The following CADM1 variants were observed in gnomAD, a reference collection of about 807,000 sequenced individuals.
CADM1 encodes cell adhesion molecule 1.
A neutral mutation model predicts 53.1 loss-of-function variants in CADM1; 15 were observed. The ratio of observed to expected loss-of-function variants is 0.28; its 90% CI spans 0.19 to 0.44. CADM1 has a LOEUF of 0.44. Ranked by LOEUF, CADM1 falls within the 20% of genes least tolerant of loss-of-function variation. The pLI is 1.00. For missense variants in CADM1, 434 were observed against 611.3 expected (o/e 0.71, Z 3.06); for synonymous variants, 281 against 243.0 (o/e 1.16, Z -1.45).
chr11:115,310,300 G>GT (rs1455343779), intron 1 of CADM1, among the ~76,000 whole-genome samples: 1 of 152,006 alleles, frequency 6.6e-6, no homozygotes, highest in Non-Finnish European at 1.5e-5. Context: ...TATTCCAGAA[G>GT]TTAATAGAGT....
At chr11:115,308,772 TTCCCTCCCTCCCTTCATCCTTCC>T (rs1047989692) in intron 1 of CADM1, among the ~76,000 whole-genome samples, 7 of 148,878 alleles carry the variant, frequency 4.7e-5, no homozygotes, top group Non-Finnish European at 9.0e-5. Context: ...CTTTCCCTCC[TTCCCTCCCTCCCTTCATCCTTCC>T]TCCCTCCCTC....
intron 1 of CADM1, among the ~76,000 whole-genome samples, chr11:115,287,786 A>G (rs1392815296): frequency 6.6e-6 from 1 of 152,158 alleles, no homozygotes. Flanking sequence ...TCAAGATAGA[A>G]ATGATTCGCT....
intron 1 of CADM1, among the ~76,000 whole-genome samples, chr11:115,468,604 T>A (rs901049497): frequency 1.3e-5 from 2 of 152,112 alleles, no homozygotes; most frequent in Non-Finnish European, 2.9e-5. Context: ...CTATGGATAA[T>A]GGAAGGGGGA....
rs555075445 is a variant in CADM1 at position 115,289,720 on chromosome 11, C to T, written c.125-49300G>A. On this transcript the variant is annotated intron_variant, in intron 1 of 11. Coordinates refer to ENST00000331581, the MANE Select transcript of CADM1 (RefSeq NM_001301043.2). ...ACGCCATTCTCCTGCCTCAGCTTCC[C>T]GAGTAGCTGGGACTATAGGCACCCA... 1.5e-4 allele frequency among the ~76,000 whole-genome samples: 22 copies of T among 151,394 alleles called. 1 individual carries two copies. The South Asian group carries it at 1.7e-3, about 12-fold the overall frequency.
chr11:115,387,788 G>A (rs377256361), intron 1 of CADM1, among the ~76,000 whole-genome samples: 2 of 152,012 alleles, frequency 1.3e-5, no homozygotes, highest in Admixed American at 6.6e-5. Context: ...ACACATGCAT[G>A]TGTGTGTATA....
At position 115,174,803 on chromosome 11, in the gene CADM1, G is replaced by A. The variant is rs1215247059; in HGVS notation, c.*1671C>T. The A allele has an allele frequency of 2.1e-6, 2 of 966,146 alleles. No homozygotes were observed. Among genetic ancestry groups the A allele is most frequent in the Non-Finnish European group, 2.5e-6 (2 of 812,592 alleles). The allele number at this position is 966,146 out of a possible 1,614,324, so 59.8% of individuals were successfully genotyped here. A position where few individuals can be genotyped will look rare whatever the true frequency, so the allele number is the denominator to read the frequency against. On this transcript the variant is annotated 3_prime_UTR_variant, in exon 12 of 12. Coordinates refer to ENST00000331581, the MANE Select transcript of CADM1 (RefSeq NM_001301043.2). ...TGCCATCTTTCCATAGGGACTGTTA[G>A]CTGGAGTCTGGAGTCTTACCAAACA... is the stretch of plus-strand genomic sequence containing the variant.
intron 1 of CADM1, among the ~76,000 whole-genome samples, chr11:115,390,942 A>G (rs1006780853): frequency 1.3e-5 from 2 of 152,190 alleles, no homozygotes; most frequent in African/African-American, 4.8e-5. Flanking sequence ...TTCATTTAAA[A>G]CTTATGTGAG....
intron 1 of CADM1, among the ~76,000 whole-genome samples, chr11:115,503,243 G>T (rs1356662590): frequency 6.6e-6 from 1 of 152,200 alleles, no homozygotes; most frequent in Non-Finnish European, 1.5e-5. Flanking sequence ...CTTCTTTCCC[G>T]ACCGCGCCAA....
chr11:115,257,638 TGAAAA>T (rs1450830898), intron 1 of CADM1, among the ~76,000 whole-genome samples: 1 of 152,164 alleles, frequency 6.6e-6, no homozygotes, highest in Non-Finnish European at 1.5e-5. Context: ...CACCAGTGAA[TGAAAA>T]AAGTATGAAG....
At chr11:115,500,006 TA>T (rs1949697968) in intron 1 of CADM1, among the ~76,000 whole-genome samples, 1 of 152,126 alleles carries the variant, frequency 6.6e-6, no homozygotes, top group East Asian at 1.9e-4. Context: ...CACACACTGA[TA>T]CCATTAGGTG....
At chr11:115,247,459 AG>A (rs956804431) in intron 1 of CADM1, among the ~76,000 whole-genome samples, 15 of 152,358 alleles carry the variant, frequency 9.8e-5, no homozygotes, top group Middle Eastern at 3.4e-3. Flanking sequence ...TTTAAAAAAA[AG>A]GCTGAAATTC....
rs11358670 is a variant in CADM1, at chr11:115,502,327, CTTTTTTTTTTT to C, written c.124+1933_124+1943del. On this transcript the variant is annotated intron_variant, in intron 1 of 11. Transcript: ENST00000331581. The stretch of plus-strand genomic sequence containing the variant: ...ACCACAGCTTTCCACCGCCCCCCGG[CTTTTTTTTTTT>C]TTTTTTTTTTTTTTTTTGCAGCCAA... Among the ~76,000 whole-genome samples the C allele has an allele frequency of 5.0e-4, 26 of 52,384 alleles. No individual in the cohort carries two copies. In the South Asian group the frequency reaches 5.4e-3, roughly 11 times the overall value. 34.4% of individuals were successfully genotyped at this position (52,384 alleles called of 152,430 possible).
Position 115,214,587 on chromosome 11 carries a change from G to A in CADM1, c.994+21C>T, listed in dbSNP as rs1421673935. ...CCATGTGACTGACTCTAGTAGAAGA[G>A]CATTTTATCTTCTCACGTACCGTAT... On this transcript the variant is annotated intron_variant, in intron 7 of 11. Transcript: ENST00000331581. The A allele has an allele frequency of 3.1e-6, 5 of 1,600,892 alleles. No homozygotes were observed. The Admixed American group carries it at 5.0e-5, about 16-fold the overall frequency.
Position 115,172,306 on chromosome 11 carries a change from G to C in CADM1, c.*4168C>G, listed in dbSNP as rs1018506717. ...CTGGCAGAGGCTGGGAGAGGTCACT[G>C]AAGTATCGAGTCCTCTGCCCGGACT... On this transcript the variant is annotated 3_prime_UTR_variant, in exon 12 of 12. Coordinates refer to ENST00000331581, the MANE Select transcript of CADM1 (RefSeq NM_001301043.2). 2 of 152,306 alleles carry C rather than the reference G, an allele frequency of 1.3e-5. No homozygotes were observed. Among genetic ancestry groups the C allele is most frequent in the Non-Finnish European group, 2.9e-5 (2 of 68,100 alleles). 9.4% of individuals were successfully genotyped at this position (152,306 alleles called of 1,614,324 possible).
intron 1 of CADM1, among the ~76,000 whole-genome samples, chr11:115,291,819 G>C (rs1943911995): frequency 6.6e-6 from 1 of 152,158 alleles, no homozygotes; most frequent in South Asian, 2.1e-4. Flanking sequence ...TAAAACCTGT[G>C]ACCTGCAGCA....
chr11:115,194,226 T>C (rs1940038375), intron 9 of CADM1: 1 of 152,242 alleles, frequency 6.6e-6, no homozygotes, highest in South Asian at 2.1e-4. Flanking sequence ...ACACAGATGG[T>C]GGACATAGCG....
At chr11:115,414,942 G>A (rs1947556631) in intron 1 of CADM1, among the ~76,000 whole-genome samples, 2 of 152,100 alleles carry the variant, frequency 1.3e-5, no homozygotes, top group Non-Finnish European at 2.9e-5. Flanking sequence ...ATTCACTTAG[G>A]TGACCTTTTC....
At chr11:115,187,925 TTTC>T (rs1939655677) in intron 10 of CADM1, among the ~76,000 whole-genome samples, 1 of 152,208 alleles carries the variant, frequency 6.6e-6, no homozygotes, top group South Asian at 2.1e-4. Flanking sequence ...TCCAGATCAC[TTTC>T]TTGTCTGTAG....
chr11:115,237,471 T>C (rs182473673), intron 3 of CADM1, among the ~76,000 whole-genome samples: 1 of 152,340 alleles, frequency 6.6e-6, no homozygotes, highest in Admixed American at 6.5e-5. Context: ...TGAAGTAAAG[T>C]AATGAGGCAG....
Sources: gnomAD v4.1 joint callset for allele counts (sites outside exome capture counted in the v4.1 genomes callset) on GRCh38, gnomAD v4.1.1 for gene constraint, MANE v1.5 for transcripts, NCBI Gene and HGNC (gene_info 2026-07-23, HGNC 2026-07-21) for gene names.